TTC1: variants seen among roughly 807,000 people sequenced by gnomAD.
The protein encoded by TTC1 is tetratricopeptide repeat protein 1.
Under a neutral mutation model 37.6 loss-of-function variants are expected in TTC1, and 31 were observed. That is an observed-to-expected ratio of 0.82 (90% CI 0.62 to 1.11). TTC1 has a LOEUF of 1.11. Among genes scored for constraint, TTC1 ranks in the 50% most tolerant of loss-of-function variants. The pLI is 0.00. For missense variants in TTC1, 351 were observed against 339.0 expected, an observed-to-expected ratio of 1.04 and a Z score of -0.28; for synonymous variants, 127 against 122.4, an observed-to-expected ratio of 1.04 and a Z score of -0.25.
rs187982963 is a variant in TTC1 at position 160,021,563 on chromosome 5, G to T, written c.330+10705G>T. Among the ~76,000 whole-genome samples the T allele has an allele frequency of 1.2e-3, 178 of 152,208 alleles. 1 individual carries two copies. The highest frequency in any genetic ancestry group is 4.2e-3 in the African/African-American group (173 of 41,534). On this transcript the variant is annotated intron_variant, in intron 2 of 7. Coordinates refer to ENST00000231238, the MANE Select transcript of TTC1 (RefSeq NM_003314.3). ...GATCAGTCATTTTTTTCCTCAGAAGGATAACACCTACTGAGAGGCAGGTTC... is the reference window on the plus strand; with the variant it reads ...GATCAGTCATTTTTTTCCTCAGAAGTATAACACCTACTGAGAGGCAGGTTC...
At chr5:160,019,938 GTTTAT>G (rs1756676581) in intron 2 of TTC1, among the ~76,000 whole-genome samples, 3 of 151,716 alleles carry the variant, frequency 2.0e-5, no homozygotes, top group Admixed American at 2.0e-4. Flanking sequence ...TTTTCTGTTT[GTTTAT>G]TTTGAGACAG....
chr5:160,062,399 C>T (rs760181295), intron 7 of TTC1, among the ~76,000 whole-genome samples: 2 of 152,170 alleles, frequency 1.3e-5, no homozygotes, highest in Non-Finnish European at 2.9e-5. Context: ...TCCCATCCCC[C>T]GGAGCACTGT....
At position 160,011,884 on chromosome 5, in the gene TTC1, A is replaced by G. The variant is rs539366972; in HGVS notation, c.330+1026A>G. The stretch of plus-strand genomic sequence containing the variant: ...TATTGAGATGAGATAATAAATGTTC[A>G]GCCTAAGCCTAACAGTGGGGGTGGG... On this transcript the variant is annotated intron_variant, in intron 2 of 7. Coordinates refer to ENST00000231238, the MANE Select transcript of TTC1 (RefSeq NM_003314.3). Among the ~76,000 whole-genome samples, 4 of 152,156 alleles carry G rather than the reference A, an allele frequency of 2.6e-5. No individual in the cohort carries two copies. The South Asian group carries it at 6.2e-4, about 24-fold the overall frequency.
At chr5:160,035,075 G>A in intron 2 of TTC1, 65 bp from the exon 3 acceptor site, 2 of 1,406,258 alleles carry the variant, frequency 1.4e-6, no homozygotes, top group South Asian at 1.5e-5. Flanking sequence ...CATAAGGAAA[G>A]CTCACCTTTT....
At chr5:160,025,317 G>A (rs757256241) in intron 2 of TTC1, among the ~76,000 whole-genome samples, 8 of 151,784 alleles carry the variant, frequency 5.3e-5, no homozygotes, top group Non-Finnish European at 1.0e-4. Flanking sequence ...ATGAGCCACC[G>A]CACCTGGCCT....
chr5:160,065,335 C>T lies in TTC1; in HGVS notation c.*270C>T, dbSNP rs1441125096. 4 of 573,078 alleles carry T rather than the reference C, an allele frequency of 7.0e-6. No individual in the cohort carries two copies. Among genetic ancestry groups the T allele is most frequent in the African/African-American group, 1.8e-5 (1 of 54,120 alleles). The allele number at this position is 573,078 out of a possible 1,614,324, so 35.5% of individuals were successfully genotyped here. On this transcript the variant is annotated 3_prime_UTR_variant, in exon 8 of 8. Coordinates refer to ENST00000231238, the MANE Select transcript of TTC1 (RefSeq NM_003314.3). ...GCTGTCCTATGTCCAGGAAGAAGCC[C>T]ATTTGTTGAGGCTGACCTTCCTGAT... is the stretch of plus-strand genomic sequence containing the variant.
intron 2 of TTC1, among the ~76,000 whole-genome samples, chr5:160,011,272 C>G (rs1195586290): frequency 2.0e-5 from 3 of 151,866 alleles, no homozygotes; most frequent in Non-Finnish European, 4.4e-5. Context: ...ATGCTAATCC[C>G]TTGTTAGCAA....
rs554374096 is a variant in TTC1 at position 160,017,923 on chromosome 5, G to A, written c.330+7065G>A. On this transcript the variant is annotated intron_variant, in intron 2 of 7. Transcript: ENST00000231238. ...GAGGGATACAGTGGTGAACAAGACA[G>A]GGTTTCTGTTCTCTCATTGGAGAAT... Among the ~76,000 whole-genome samples, 20 of 152,302 alleles carry A rather than the reference G, an allele frequency of 1.3e-4. No individual in the cohort carries two copies. In the South Asian group the frequency reaches 2.7e-3, roughly 21 times the overall value.
In TTC1 at chr5:160,010,539, AG is replaced by A. The variant is rs1353393503; in HGVS notation, c.12del (p.Lys4AsnfsTer12). 2.5e-6 allele frequency: 4 copies of A among 1,612,606 alleles called. No individual in the cohort carries two copies. The highest frequency in any genetic ancestry group is 2.5e-6 in the Non-Finnish European group (3 of 1,178,878). On this transcript the variant is annotated frameshift_variant, in exon 2 of 8. Coordinates refer to ENST00000231238, the MANE Select transcript of TTC1 (RefSeq NM_003314.3). LOFTEE classifies it high-confidence loss of function. ...CCCTCACTGGGCAGCATGGGGGAGA[AG>A]TCAGAGAACTGTGGGGTTCCAGAGG... is the stretch of plus-strand genomic sequence containing the variant. MGE[K>X]SENCGVPEDL...
chr5:160,019,492 C>CAGTAACTTCTT, intron 2 of TTC1, among the ~76,000 whole-genome samples: 1 of 151,664 alleles, frequency 6.6e-6, no homozygotes, highest in South Asian at 2.1e-4. Flanking sequence ...CCAAAAAGTT[C>CAGTAACTTCTT]TCAGTAACTT....
chr5:160,064,823 C>T, intron 7 of TTC1, 109 bp from the exon 8 acceptor site: 3 of 1,218,156 alleles, frequency 2.5e-6, no homozygotes, highest in East Asian at 2.4e-5. Flanking sequence ...TCTTTAACTG[C>T]AAAGAGATAC....
chr5:160,048,082 G>T (rs982648347), intron 5 of TTC1, among the ~76,000 whole-genome samples: 2 of 133,880 alleles, frequency 1.5e-5, no homozygotes, highest in Non-Finnish European at 3.1e-5. Flanking sequence ...AAAAATTAAG[G>T]ATAGATTATG....
intron 2 of TTC1, among the ~76,000 whole-genome samples, chr5:160,015,827 C>T (rs1756594423): frequency 6.6e-6 from 1 of 152,124 alleles, no homozygotes; most frequent in African/African-American, 2.4e-5. Context: ...TGATTAGTGT[C>T]TGAAGTGGGG....
intron 7 of TTC1, among the ~76,000 whole-genome samples, chr5:160,055,937 A>G (rs1262294227): frequency 6.6e-6 from 1 of 152,220 alleles, no homozygotes; most frequent in Non-Finnish European, 1.5e-5. Context: ...TATTTGGACA[A>G]GTTGCCACTG....
chr5:160,041,433 C>T (rs1452794420), intron 4 of TTC1, among the ~76,000 whole-genome samples: 7 of 151,674 alleles, frequency 4.6e-5, no homozygotes, highest in Non-Finnish European at 1.0e-4. Context: ...GCGTCAGCCT[C>T]TTAGGTAGCT....
intron 5 of TTC1, among the ~76,000 whole-genome samples, chr5:160,045,518 A>ACTCTCT (rs1757209449): frequency 3.0e-5 from 2 of 65,724 alleles, no homozygotes; most frequent in African/African-American, 7.7e-5. Context: ...ACACACATAC[A>ACTCTCT]CACTCTCTCT....
chr5:160,014,777 C>A (rs980231259), intron 2 of TTC1, among the ~76,000 whole-genome samples: 1 of 152,086 alleles, frequency 6.6e-6, no homozygotes, highest in Non-Finnish European at 1.5e-5. Flanking sequence ...ACAGCATTAA[C>A]GCTGATTCTC....
At chr5:160,033,144 C>A (rs1756942263) in intron 2 of TTC1, among the ~76,000 whole-genome samples, 1 of 152,118 alleles carries the variant, frequency 6.6e-6, no homozygotes, top group Non-Finnish European at 1.5e-5. Context: ...TTGCTTGCAT[C>A]CAGTAACCCT....
At position 160,059,252 on chromosome 5, in the gene TTC1, G is replaced by C. The variant is rs556533960; in HGVS notation, c.746-5680G>C. Reference sequence around the variant, plus strand: ...CCACCTTCATCAGTGATCTTAGCTAGATCTTCTGAATAACTTTTTGCAGCT... The same window carrying C: ...CCACCTTCATCAGTGATCTTAGCTACATCTTCTGAATAACTTTTTGCAGCT... On this transcript the variant is annotated intron_variant, in intron 7 of 7. Coordinates refer to ENST00000231238, the MANE Select transcript of TTC1 (RefSeq NM_003314.3). Among the ~76,000 whole-genome samples, 25 of 152,310 alleles carry C rather than the reference G, an allele frequency of 1.6e-4. No individual in the cohort carries two copies. In the East Asian group the frequency reaches 4.8e-3, roughly 29 times the overall value.
Sources: gnomAD v4.1 joint callset for allele counts (sites outside exome capture counted in the v4.1 genomes callset) on GRCh38, gnomAD v4.1.1 for gene constraint, MANE v1.5 for transcripts, NCBI Gene and HGNC (gene_info 2026-07-23, HGNC 2026-07-21) for gene names.